Variants in MAD1L1 observed in about 807,000 individuals in gnomAD.
MAD1L1 encodes mitotic arrest deficient 1 like 1, also known as mitotic spindle assembly checkpoint protein MAD1.
A neutral mutation model predicts 96.9 loss-of-function variants in MAD1L1; 95 were observed. The observed-to-expected ratio is 0.98, with a 90% CI of 0.83 to 1.16. MAD1L1 has a LOEUF of 1.16. Ranked by LOEUF, MAD1L1 falls within the 50% of genes most tolerant of loss-of-function variation. MAD1L1 has a pLI of 0.00. For missense variants in MAD1L1, 1,007 were observed against 954.4 expected (o/e 1.06, Z -0.73); for synonymous variants, 473 against 396.6 (o/e 1.19, Z -2.29).
At position 2,135,482 on chromosome 7, in the gene MAD1L1, ATTTAAT is replaced by A. The variant is rs899337097; in HGVS notation, c.1073+13664_1073+13669del. ...ATTATAAATATAATTGTAAATAATG[ATTTAAT>A]TTTAATTTTAATTTCCAAAGATGGT... is the stretch of plus-strand genomic sequence containing the variant. On this transcript the variant is annotated intron_variant, in intron 11 of 18. Coordinates refer to ENST00000265854, the MANE Select transcript of MAD1L1 (RefSeq NM_001013836.2). Among the ~76,000 whole-genome samples, 14 of 152,346 alleles carry A rather than the reference ATTTAAT, an allele frequency of 9.2e-5. 1 individual carries two copies. Among genetic ancestry groups the A allele is most frequent in the South Asian group, 4.2e-4 (2 of 4,818 alleles).
At chr7:1,885,785 G>A (rs1056528247) in intron 18 of MAD1L1, among the ~76,000 whole-genome samples, 2 of 152,160 alleles carry the variant, frequency 1.3e-5, no homozygotes, top group African/African-American at 4.8e-5. Context: ...TCCCTGTCTC[G>A]GCCCTTCCAG....
At chr7:1,885,629 A>AC (rs1785965858) in intron 18 of MAD1L1, among the ~76,000 whole-genome samples, 2 of 151,916 alleles carry the variant, frequency 1.3e-5, no homozygotes, top group African/African-American at 4.8e-5. Flanking sequence ...CCGGCCTTCA[A>AC]CCCCCCAGTT....
At chr7:1,971,592 C>T (rs754672462) in intron 15 of MAD1L1, among the ~76,000 whole-genome samples, 4 of 152,112 alleles carry the variant, frequency 2.6e-5, no homozygotes, top group South Asian at 2.1e-4. Flanking sequence ...CAGTTAAAGA[C>T]GGTAGCTTGA....
At chr7:2,063,040 A>G (rs185686919) in intron 12 of MAD1L1, among the ~76,000 whole-genome samples, 5 of 152,368 alleles carry the variant, frequency 3.3e-5, no homozygotes, top group Admixed American at 3.3e-4. Context: ...ACTAGAAAGA[A>G]AAATGAGGGA....
intron 18 of MAD1L1, among the ~76,000 whole-genome samples, chr7:1,892,902 T>C (rs868097721): frequency 6.6e-6 from 1 of 152,202 alleles, no homozygotes; most frequent in Non-Finnish European, 1.5e-5. Context: ...GTCACTCCAC[T>C]TCTTCTTACC....
chr7:2,168,727 G>A lies in MAD1L1; in HGVS notation c.987-19489C>T, dbSNP rs140824642. On this transcript the variant is annotated intron_variant, in intron 10 of 18. Coordinates refer to ENST00000265854, the MANE Select transcript of MAD1L1 (RefSeq NM_001013836.2). Reference sequence around the variant, plus strand: ...GATACTCCCGCGTGGAGGGCGCCACGAGGTCAAGGTCCTGAGGCCGGAACA... The same window carrying A: ...GATACTCCCGCGTGGAGGGCGCCACAAGGTCAAGGTCCTGAGGCCGGAACA... Among the ~76,000 whole-genome samples, 98 of 152,396 alleles carry A rather than the reference G, an allele frequency of 6.4e-4. No homozygotes were observed. The East Asian group carries it at 7.9e-3, about 12-fold the overall frequency.
In MAD1L1 at chr7:1,956,020, G is replaced by A. The variant is rs974449998; in HGVS notation, c.1596+1609C>T. ...GGGTGGCAGGGGGGAGCGGGAGGCC[G>A]ACAAGCAGGCATTGGTGATCCAAGC... On this transcript the variant is annotated intron_variant, in intron 16 of 18. Transcript: ENST00000265854. Among the ~76,000 whole-genome samples the A allele has an allele frequency of 6.1e-4, 92 of 152,064 alleles. 1 individual carries two copies. Among genetic ancestry groups the A allele is most frequent in the Admixed American group, 2.9e-3 (45 of 15,260 alleles).
intron 18 of MAD1L1, among the ~76,000 whole-genome samples, chr7:1,821,954 T>C (rs1218834632): frequency 6.6e-6 from 1 of 152,048 alleles, no homozygotes; most frequent in Non-Finnish European, 1.5e-5. Context: ...AGCAGCAGCA[T>C]AGGGATTGGA....
Position 1,816,076 on chromosome 7 carries a change from C to T in MAD1L1, c.2151G>A (p.Val717=). ...LTLELFSRQT[V]A ...ATGCCCCCGAGCCTGCAGGCTACGC[C>T]ACGGTCTGGCGGCTGAAGAGCTCGA... Residue 717 remains valine, a synonymous_variant, in exon 19 of 19, where the codon GTG becomes GTA. Coordinates refer to ENST00000265854, the MANE Select transcript of MAD1L1 (RefSeq NM_001013836.2). 6.2e-7 allele frequency: 1 copy of T among 1,610,080 alleles called. No homozygotes were observed. The highest frequency in any genetic ancestry group is 1.1e-5 in the South Asian group (1 of 90,836).
intron 18 of MAD1L1, among the ~76,000 whole-genome samples, chr7:1,860,786 G>A (rs778256286): frequency 2.6e-5 from 4 of 152,098 alleles, no homozygotes; most frequent in Non-Finnish European, 5.9e-5. Flanking sequence ...GCTCTCTCTC[G>A]GCCTCAGGAA....
intron 10 of MAD1L1, among the ~76,000 whole-genome samples, chr7:2,208,695 A>G (rs535547874): frequency 6.6e-6 from 1 of 152,290 alleles, no homozygotes; most frequent in Non-Finnish European, 1.5e-5. Context: ...TCCAAAGAGA[A>G]GCAAGCATCC....
chr7:1,905,939 A>G (rs1014454005), intron 17 of MAD1L1, among the ~76,000 whole-genome samples: 22 of 151,012 alleles, frequency 1.5e-4, no homozygotes, highest in African/African-American at 5.4e-4. Flanking sequence ...AATCCCAGCT[A>G]CTCGGGAGGC....
chr7:1,924,694 C>G (rs1422543679), intron 17 of MAD1L1, among the ~76,000 whole-genome samples: 1 of 152,140 alleles, frequency 6.6e-6, no homozygotes, highest in Non-Finnish European at 1.5e-5. Flanking sequence ...GGCAAAACCA[C>G]AAACTACTTT....
At chr7:2,172,285 C>T (rs908259477) in intron 10 of MAD1L1, among the ~76,000 whole-genome samples, 1 of 152,096 alleles carries the variant, frequency 6.6e-6, no homozygotes, top group Non-Finnish European at 1.5e-5. Flanking sequence ...GACAAGCACA[C>T]GAGGCTCGGG....
At chr7:2,106,477 G>A (rs1158331205) in intron 11 of MAD1L1, among the ~76,000 whole-genome samples, 1 of 151,678 alleles carries the variant, frequency 6.6e-6, no homozygotes, top group Non-Finnish European at 1.5e-5. Context: ...CCTGTGCCAA[G>A]CCAGCAGGCT....
rs552445239 is a variant in MAD1L1 at position 2,061,262 on chromosome 7, G to A, written c.1218+7932C>T. On this transcript the variant is annotated intron_variant, in intron 12 of 18. Transcript: ENST00000265854. ...TGAGGCAGGAGAATTGCTTGAACCCGGGAGGCGGAGGTGGCAGTGAGCCAA... is the reference window on the plus strand; with the variant it reads ...TGAGGCAGGAGAATTGCTTGAACCCAGGAGGCGGAGGTGGCAGTGAGCCAA... Among the ~76,000 whole-genome samples, 11 of 152,308 alleles carry A rather than the reference G, an allele frequency of 7.2e-5. No individual in the cohort carries two copies. The East Asian group carries it at 7.7e-4, about 11-fold the overall frequency.
chr7:1,966,454 C>A (rs185160342), intron 15 of MAD1L1, among the ~76,000 whole-genome samples: 28 of 150,600 alleles, frequency 1.9e-4, no homozygotes, highest in Non-Finnish European at 3.4e-4. Context: ...CGAGTGTGCA[C>A]GCTCTCACAG....
At chr7:2,067,236 G>A (rs939527393) in intron 12 of MAD1L1, among the ~76,000 whole-genome samples, 1 of 148,118 alleles carries the variant, frequency 6.8e-6, no homozygotes, top group African/African-American at 2.5e-5. Context: ...CAGGCACCCG[G>A]GGTCATCAGG....
At chr7:2,077,616 G>A (rs1483631824) in intron 11 of MAD1L1, among the ~76,000 whole-genome samples, 4 of 152,260 alleles carry the variant, frequency 2.6e-5, no homozygotes, top group Non-Finnish European at 5.9e-5. Context: ...ACCCAGCGGG[G>A]AGCAGTGAAC....
Sources: gnomAD v4.1 joint callset for allele counts (sites outside exome capture counted in the v4.1 genomes callset) on GRCh38, gnomAD v4.1.1 for gene constraint, MANE v1.5 for transcripts, NCBI Gene and HGNC (gene_info 2026-07-23, HGNC 2026-07-21) for gene names.